The following STEAP1B variants were observed in gnomAD, a reference collection of about 807,000 sequenced individuals.
STEAP1B encodes STEAP family protein MGC87042.
STEAP1B carries 13 observed loss-of-function variants against 27.9 expected under a neutral mutation model. The observed-to-expected ratio is 0.47, with a 90% CI of 0.30 to 0.74. STEAP1B has a LOEUF of 0.74. Among genes scored for constraint, STEAP1B ranks in the 30% least tolerant of loss-of-function variants. The pLI, the probability that STEAP1B is intolerant of heterozygous loss-of-function variation, is 0.06. For synonymous variants in STEAP1B, 86 were observed against 107.1 expected, an observed-to-expected ratio of 0.80 and a Z score of 1.22; for missense variants, 250 against 298.7, an observed-to-expected ratio of 0.84 and a Z score of 1.20.
chr7:22,429,744 C>T (rs1459790322), intron 4 of STEAP1B, among the ~76,000 whole-genome samples: 1 of 152,042 alleles, frequency 6.6e-6, no homozygotes, highest in Non-Finnish European at 1.5e-5. Context: ...AGTTTACTGC[C>T]AGTCGTTGAA....
intron 4 of STEAP1B, among the ~76,000 whole-genome samples, chr7:22,485,421 A>G (rs561948757): frequency 3.2e-4 from 49 of 152,370 alleles, no homozygotes; most frequent in African/African-American, 1.1e-3. Flanking sequence ...AGTATTTTAA[A>G]TTAAGATATG....
intron 4 of STEAP1B, among the ~76,000 whole-genome samples, chr7:22,487,483 T>C: frequency 6.6e-6 from 1 of 150,476 alleles, no homozygotes; most frequent in East Asian, 2.0e-4. Flanking sequence ...AAAAATGTCT[T>C]GCAAAGGCCT....
In STEAP1B at chr7:22,454,820, G is replaced by T. The variant is rs571098922; in HGVS notation, c.763-34984C>A. 4.7e-4 allele frequency among the ~76,000 whole-genome samples: 30 copies of T among 63,508 alleles called. No individual in the cohort carries two copies. In the East Asian group the frequency reaches 0.015, roughly 33 times the overall value. The allele number at this position is 63,508 out of a possible 152,430, so 41.7% of individuals were successfully genotyped here. ...CCAAGCTTCAGTACCAACTGGCAAA[G>T]AAAATATTATATATATATATATATA... On this transcript the variant is annotated intron_variant, in intron 4 of 4. Transcript: ENST00000678116.
chr7:22,473,396 G>C (rs551588661), intron 4 of STEAP1B, among the ~76,000 whole-genome samples: 1 of 152,138 alleles, frequency 6.6e-6, no homozygotes, highest in African/African-American at 2.4e-5. Flanking sequence ...CCAAATAAGG[G>C]AGAAAGACAG....
At chr7:22,420,409 TC>T (rs1785030264) in intron 4 of STEAP1B, among the ~76,000 whole-genome samples, 1 of 152,178 alleles carries the variant, frequency 6.6e-6, no homozygotes, top group African/African-American at 2.4e-5. Flanking sequence ...CCCAATAGTA[TC>T]CCACAGCCTG....
intron 4 of STEAP1B, among the ~76,000 whole-genome samples, chr7:22,484,561 A>AT (rs1554287593): frequency 3.3e-5 from 5 of 152,204 alleles, no homozygotes; most frequent in Admixed American, 1.3e-4. Flanking sequence ...AAGGAGACGA[A>AT]TGTTTTGTTT....
chr7:22,493,223 G>C, intron 3 of STEAP1B, 101 bp downstream of exon 3: 2 of 1,324,296 alleles, frequency 1.5e-6, no homozygotes, highest in Admixed American at 5.8e-5. Flanking sequence ...TCAACACAGA[G>C]TTTCAACAGG....
chr7:22,487,327 A>G (rs1182765660), intron 4 of STEAP1B, among the ~76,000 whole-genome samples: 1 of 152,212 alleles, frequency 6.6e-6, no homozygotes, highest in African/African-American at 2.4e-5. Flanking sequence ...AGATGAGGAC[A>G]TGATCTCTGC....
At chr7:22,449,031 T>C (rs946359694) in intron 4 of STEAP1B, among the ~76,000 whole-genome samples, 4 of 152,218 alleles carry the variant, frequency 2.6e-5, no homozygotes, top group African/African-American at 9.6e-5. Context: ...AGTAGGTGTA[T>C]GTATTTATGG....
intron 4 of STEAP1B, among the ~76,000 whole-genome samples, chr7:22,466,928 T>G (rs1785794620): frequency 6.6e-6 from 1 of 152,150 alleles, no homozygotes; most frequent in Non-Finnish European, 1.5e-5. Flanking sequence ...ATCTGGAAAA[T>G]GGGGACAATA....
chr7:22,429,383 C>A (rs1354618633), intron 4 of STEAP1B, among the ~76,000 whole-genome samples: 2 of 152,072 alleles, frequency 1.3e-5, no homozygotes, highest in African/African-American at 4.8e-5. Context: ...ATGAATGAAC[C>A]TCACATCATG....
intron 4 of STEAP1B, among the ~76,000 whole-genome samples, chr7:22,464,934 A>C (rs192668559): frequency 1.6e-4 from 3 of 18,308 alleles, no homozygotes. Context: ...GAAACCACAG[A>C]CAGTACCAAA....
At chr7:22,495,071 C>T (rs1446121491) in intron 1 of STEAP1B, among the ~76,000 whole-genome samples, 185 bp from the exon 2 acceptor site, 2 of 152,120 alleles carry the variant, frequency 1.3e-5, no homozygotes, top group African/African-American at 4.8e-5. Flanking sequence ...AAACCAATGC[C>T]CTCTTATCAA....
At chr7:22,486,215 G>A (rs1020778638) in intron 4 of STEAP1B, among the ~76,000 whole-genome samples, 2 of 152,170 alleles carry the variant, frequency 1.3e-5, no homozygotes, top group Non-Finnish European at 2.9e-5. Context: ...GTGGTTTAGA[G>A]AGAAAGTCGC....
chr7:22,461,471 C>T (rs967547223), intron 4 of STEAP1B, among the ~76,000 whole-genome samples: 2 of 152,088 alleles, frequency 1.3e-5, no homozygotes, highest in African/African-American at 4.8e-5. Flanking sequence ...CCATGTTGGC[C>T]AGGCTGGTCT....
Position 22,456,970 on chromosome 7 carries a change from ATATT to A in STEAP1B, c.762+35591_762+35594del, listed in dbSNP as rs1190320153. 3.4e-4 allele frequency among the ~76,000 whole-genome samples: 9 copies of A among 26,158 alleles called. 1 individual carries two copies. Among genetic ancestry groups the A allele is most frequent in the Admixed American group, 9.2e-4 (2 of 2,166 alleles). The allele number at this position is 26,158 out of a possible 152,430, so 17.2% of individuals were successfully genotyped here. On this transcript the variant is annotated intron_variant, in intron 4 of 4. Transcript: ENST00000678116. The stretch of plus-strand genomic sequence containing the variant: ...TAGGCAGCTATATATATATATATAT[ATATT>A]TTTTTTTTTTTTAAGTATCCTGGGT...
rs60021446 is a variant in STEAP1B at position 22,490,061 on chromosome 7, G to A, written c.762+2504C>T. ...TTATTAATTCCATTCCAAGCTATGC[G>A]TAATTTCTATTCCAAAAGAATGTTT... On this transcript the variant is annotated intron_variant, in intron 4 of 4. Transcript: ENST00000678116. 9.8e-3 allele frequency among the ~76,000 whole-genome samples: 1,485 copies of A among 152,180 alleles called. 28 individuals carry two copies. The highest frequency in any genetic ancestry group is 0.034 in the African/African-American group (1,400 of 41,532).
rs1357609631 is a variant in STEAP1B, at chr7:22,493,357, G to A, written c.564C>T (p.Tyr188=). 1 of 1,613,920 alleles carries A rather than the reference G, an allele frequency of 6.2e-7. No individual in the cohort carries two copies. The highest frequency in any genetic ancestry group is 2.2e-5 in the East Asian group (1 of 44,882). The part of the protein sequence containing the change: ...YTLSYAMRRS[Y]RYKLLNWAYQ... The stretch of plus-strand genomic sequence containing the variant: ...ATGCCCAGTTTAGCAACTTGTATCT[G>A]TAGGATCGCCTCATTGCGTAAGACA... Residue 188 remains tyrosine (Y), a synonymous_variant, in exon 3 of 5, where the codon TAC becomes TAT. Coordinates refer to ENST00000678116, the MANE Select transcript of STEAP1B (RefSeq NM_001382447.1).
chr7:22,456,972 A>ATATATATATT, intron 4 of STEAP1B, among the ~76,000 whole-genome samples: 1 of 57,044 alleles, frequency 1.8e-5, no homozygotes. Context: ...ATATATATAT[A>ATATATATATT]TTTTTTTTTT....
Sources: allele counts gnomAD v4.1 joint callset (sites outside exome capture counted in the v4.1 genomes callset), GRCh38; gene constraint gnomAD v4.1.1; transcripts MANE v1.5; gene names NCBI Gene and HGNC (gene_info 2026-07-23, HGNC 2026-07-21).